Variants in ARID1B observed in about 807,000 individuals in gnomAD.
ARID1B encodes the protein AT-rich interaction domain 1B.
In ARID1B, 30 loss-of-function variants were observed where a neutral mutation model predicts 212.3. The observed-to-expected ratio is 0.14, with a 90% CI of 0.11 to 0.19. ARID1B has a LOEUF of 0.19. Ranked by LOEUF, ARID1B falls within the 10% of genes least tolerant of loss-of-function variation. The pLI, the probability that ARID1B is intolerant of heterozygous loss-of-function variation, is 1.00. For synonymous variants in ARID1B, 1,402 were observed against 1,301.7 expected (o/e 1.08, Z -1.66); for missense variants, 2,891 against 3,204.0 (o/e 0.90, Z 2.36).
intron 4 of ARID1B, among the ~76,000 whole-genome samples, chr6:157,074,453 G>C (rs900261744): frequency 6.6e-6 from 1 of 152,096 alleles, no homozygotes; most frequent in African/African-American, 2.4e-5. Flanking sequence ...TCGAACTCCC[G>C]AGCTCAGATG....
intron 1 of ARID1B, chr6:156,780,450 T>C (rs1779175275): frequency 6.6e-6 from 1 of 152,290 alleles, no homozygotes; most frequent in African/African-American, 2.4e-5. Flanking sequence ...GCCTAAAGAC[T>C]GACTTGATCT....
intron 4 of ARID1B, among the ~76,000 whole-genome samples, chr6:156,984,088 G>A (rs1777778464): frequency 6.6e-6 from 1 of 152,088 alleles, no homozygotes; most frequent in African/African-American, 2.4e-5. Flanking sequence ...TGGGGTTCTG[G>A]CTGGGTTTCT....
chr6:156,881,794 A>T (rs930120325), intron 2 of ARID1B, among the ~76,000 whole-genome samples: 38 of 152,194 alleles, frequency 2.5e-4, no homozygotes, highest in African/African-American at 9.2e-4. Flanking sequence ...CTTCCTCCCC[A>T]TGGCTTATTT....
chr6:156,935,295 G>C (rs547654958), intron 3 of ARID1B, among the ~76,000 whole-genome samples, 171 bp from the exon 4 acceptor site: 11 of 152,054 alleles, frequency 7.2e-5, no homozygotes, highest in African/African-American at 1.9e-4. Flanking sequence ...GCCCAGGCTG[G>C]TCTTGAACTC....
chr6:157,073,400 G>A (rs1562595341), intron 4 of ARID1B, among the ~76,000 whole-genome samples: 2 of 152,054 alleles, frequency 1.3e-5, no homozygotes, highest in Non-Finnish European at 2.9e-5. Flanking sequence ...CACCGCGCCT[G>A]GCCCTATGCA....
At chr6:157,110,433 G>C (rs763061370) in intron 5 of ARID1B, 39 bp from the exon 6 acceptor site, 1 of 1,585,032 alleles carries the variant, frequency 6.3e-7, no homozygotes, top group South Asian at 1.1e-5. Context: ...TTAATGCAAA[G>C]GGTTCCCCCA....
At chr6:156,972,266 C>A (rs1367862650) in intron 4 of ARID1B, among the ~76,000 whole-genome samples, 1 of 152,082 alleles carries the variant, frequency 6.6e-6, no homozygotes, top group Admixed American at 6.5e-5. Flanking sequence ...AGTGGACAAT[C>A]AGAAATAAAG....
At chr6:156,878,480 A>T (rs1786764654) in intron 2 of ARID1B, among the ~76,000 whole-genome samples, 1 of 152,126 alleles carries the variant, frequency 6.6e-6, no homozygotes, top group South Asian at 2.1e-4. Context: ...ACACACCTGA[A>T]ATTGGGTATT....
intron 4 of ARID1B, 119 bp from the exon 5 acceptor site, chr6:157,084,543 G>T (rs1418412086): frequency 1.5e-6 from 2 of 1,290,726 alleles, no homozygotes; most frequent in African/African-American, 1.5e-5. Context: ...TTTTTATTTT[G>T]GGTGTTACCC....
chr6:156,807,983 G>T (rs1431955263), intron 1 of ARID1B, among the ~76,000 whole-genome samples: 1 of 152,196 alleles, frequency 6.6e-6, no homozygotes, highest in African/African-American at 2.4e-5. Context: ...TGCAGTCCTA[G>T]ACTCCCGTGT....
chr6:157,169,676 C>T (rs1791580447), intron 9 of ARID1B: 1 of 152,134 alleles, frequency 6.6e-6, no homozygotes, highest in African/African-American at 2.4e-5. Context: ...TTATAATATT[C>T]ATTAGTCATT....
rs1380676072 is a variant in ARID1B, at chr6:156,779,014, C to T, written c.1334C>T (p.Ser445Phe). The change falls in exon 1 of 20, where the codon TCC becomes TTC. Residue 445 changes from serine (S) to phenylalanine (F), a missense_variant. Physicochemically the swap from Ser to Phe is radical, Grantham distance 155. Around this residue, in one of 7 missense-constraint regions of ARID1B, gnomAD observed 1,643 missense variants for 1,544.0 expected, o/e 1.06. Coordinates refer to ENST00000636930, the MANE Select transcript of ARID1B (RefSeq NM_001374828.1). ...GGGGGGYGGS[S>F]AGYGVLSSPR... is the part of the protein sequence containing the mutation. ...GGCGGCGGCGGCTATGGGGGCTCGT[C>T]CGCGGGGTACGGGGTGCTGAGCTCC... 2.4e-6 allele frequency: 3 copies of T among 1,260,640 alleles called. No individual in the cohort carries two copies. Among genetic ancestry groups the T allele is most frequent in the Admixed American group, 4.4e-5 (1 of 22,852 alleles). 78.1% of individuals were successfully genotyped at this position (1,260,640 alleles called of 1,614,324 possible). A position where few individuals can be genotyped will look rare whatever the true frequency, so the allele number is the denominator to read the frequency against.
In ARID1B at chr6:157,148,472, G is replaced by A. The variant is rs897442826; in HGVS notation, c.2762-152G>A. The A allele has an allele frequency of 1.1e-5, 9 of 819,600 alleles. No homozygotes were observed. The highest frequency in any genetic ancestry group is 1.5e-5 in the Non-Finnish European group (8 of 537,902). 50.8% of individuals were successfully genotyped at this position (819,600 alleles called of 1,614,324 possible). A position where few individuals can be genotyped will look rare whatever the true frequency, so the allele number is the denominator to read the frequency against. On this transcript the variant is annotated intron_variant, in intron 7 of 19. Transcript: ENST00000636930. This position sits in a 1 kb window ranked among gnomAD's most constrained non-coding sequence, Gnocchi z 5.6. ...GAGTGTGCAGAGAGAGCATGTTTGAGACTGGCAGCTGCACCAGCAGCAACA... is the reference window on the plus strand; with the variant it reads ...GAGTGTGCAGAGAGAGCATGTTTGAAACTGGCAGCTGCACCAGCAGCAACA...
intron 1 of ARID1B, among the ~76,000 whole-genome samples, chr6:156,799,287 G>A (rs1318751472): frequency 6.6e-6 from 1 of 152,190 alleles, no homozygotes; most frequent in African/African-American, 2.4e-5. Flanking sequence ...CTCATTTGAG[G>A]CACACATCTA....
At chr6:157,137,195 A>T (rs1319041123) in intron 7 of ARID1B, among the ~76,000 whole-genome samples, 1 of 152,174 alleles carries the variant, frequency 6.6e-6, no homozygotes, top group Non-Finnish European at 1.5e-5. Context: ...AATAAAATAA[A>T]ATAAAATTTC....
chr6:157,088,127 A>G (rs1460845172), intron 5 of ARID1B, among the ~76,000 whole-genome samples: 2 of 152,236 alleles, frequency 1.3e-5, no homozygotes, highest in East Asian at 3.8e-4. Flanking sequence ...GGTCACTGCC[A>G]GGGCTGCTGT....
intron 4 of ARID1B, among the ~76,000 whole-genome samples, chr6:156,957,381 G>A (rs1352508095): frequency 2.0e-5 from 3 of 152,142 alleles, no homozygotes; most frequent in Admixed American, 1.3e-4. Flanking sequence ...CCAGTACCAG[G>A]GTCAGCTTCA....
At chr6:157,031,841 G>A (rs923253045) in intron 4 of ARID1B, among the ~76,000 whole-genome samples, 3 of 151,890 alleles carry the variant, frequency 2.0e-5, no homozygotes, top group Non-Finnish European at 4.4e-5. Context: ...GCCCAGGCTG[G>A]ATGGAGTGCA....
chr6:157,197,529 C>T (rs1308144363), intron 16 of ARID1B, among the ~76,000 whole-genome samples: 1 of 152,236 alleles, frequency 6.6e-6, no homozygotes, highest in Non-Finnish European at 1.5e-5. Context: ...TTTAAGGAGA[C>T]ACGGTGCTTT....
Sources: allele counts gnomAD v4.1 joint callset (sites outside exome capture counted in the v4.1 genomes callset), GRCh38; gene constraint gnomAD v4.1.1; regional missense constraint gnomAD v4.1.1; non-coding constraint Gnocchi (gnomAD v3.1); transcripts MANE v1.5; gene names NCBI Gene and HGNC (gene_info 2026-07-23, HGNC 2026-07-21).